The following ACOXL variants were observed in gnomAD, a reference collection of about 807,000 sequenced individuals.
ACOXL encodes acyl-CoA oxidase like.
ACOXL carries 70 observed loss-of-function variants against 71.9 expected under a neutral mutation model. That is an observed-to-expected ratio of 0.97 (90% CI 0.80 to 1.19). ACOXL has a LOEUF of 1.19. Ranked by LOEUF, ACOXL falls within the 50% of genes most tolerant of loss-of-function variation. The probability of loss-of-function intolerance (pLI) is 0.00; values close to 1 mark genes in which losing one functional copy is unlikely to be tolerated. For missense variants in ACOXL, 703 were observed against 736.3 expected (o/e 0.95, Z 0.52); for synonymous variants, 253 against 281.6 (o/e 0.90, Z 1.02).
In ACOXL at chr2:110,809,433, C is replaced by G. The variant is rs373421772; in HGVS notation, c.753+4038C>G. ...AGGCACGTGGGTGCTGGGCGGCAGA[C>G]AACTCAGCCAGTCCTGAGAGCCTGA... On this transcript the variant is annotated intron_variant, in intron 9 of 17. Transcript: ENST00000439055. Among the ~76,000 whole-genome samples the G allele has an allele frequency of 1.6e-3, 247 of 152,330 alleles. 2 individuals are homozygous for G. The highest frequency in any genetic ancestry group is 3.2e-3 in the Non-Finnish European group (216 of 68,028).
rs183879669 is a variant in ACOXL at position 110,979,204 on chromosome 2, A to T, written c.1060-7904A>T. Among the ~76,000 whole-genome samples, 6 of 152,302 alleles carry T rather than the reference A, an allele frequency of 3.9e-5. No individual in the cohort carries two copies. The East Asian group carries it at 5.8e-4, about 15-fold the overall frequency. ...AGTCAGGACACATTTGTCTGCTTGT[A>T]ATAAATACCCATCTAAAGTGGCTGA... On this transcript the variant is annotated intron_variant, in intron 12 of 17. Coordinates refer to ENST00000439055, the MANE Select transcript of ACOXL (RefSeq NM_001142807.4).
intron 9 of ACOXL, among the ~76,000 whole-genome samples, chr2:110,815,996 G>C (rs1225427368): frequency 6.6e-6 from 1 of 152,150 alleles, no homozygotes; most frequent in African/African-American, 2.4e-5. Flanking sequence ...TGGATGAATG[G>C]ATGGAAAAAT....
Position 110,799,178 on chromosome 2 carries a change from C to T in ACOXL, c.547+78C>T, listed in dbSNP as rs376135715. On this transcript the variant is annotated intron_variant, in intron 7 of 17. Coordinates refer to ENST00000439055, the MANE Select transcript of ACOXL (RefSeq NM_001142807.4). The stretch of plus-strand genomic sequence containing the variant: ...CCTGACTCAAGGAGAATCTAACCTA[C>T]GTTATATTACCGAAGCACTGAGGGT... The T allele has an allele frequency of 1.3e-4, 177 of 1,391,890 alleles. No individual in the cohort carries two copies. In the African/African-American group the frequency reaches 1.5e-3, roughly 12 times the overall value. The allele number at this position is 1,391,890 out of a possible 1,614,324, so 86.2% of individuals were successfully genotyped here. A position where few individuals can be genotyped will look rare whatever the true frequency, so the allele number is the denominator to read the frequency against.
At chr2:111,091,964 T>C (rs1261119366) in intron 16 of ACOXL, among the ~76,000 whole-genome samples, 1 of 152,208 alleles carries the variant, frequency 6.6e-6, no homozygotes, top group Admixed American at 6.5e-5. Flanking sequence ...AATTGTCTTC[T>C]AGTGGGAAGA....
intron 14 of ACOXL, among the ~76,000 whole-genome samples, chr2:111,022,933 T>C (rs992319234): frequency 7.9e-5 from 12 of 152,136 alleles, no homozygotes; most frequent in Non-Finnish European, 1.5e-4. Context: ...CTCTGCAAGG[T>C]GGTTACTGGC....
chr2:110,881,114 A>G (rs1696582764), intron 10 of ACOXL, among the ~76,000 whole-genome samples: 1 of 151,748 alleles, frequency 6.6e-6, no homozygotes, highest in African/African-American at 2.4e-5. Context: ...TCCCTACACC[A>G]TTTTATTGAA....
chr2:110,775,954 CA>C (rs1164766283), intron 2 of ACOXL, among the ~76,000 whole-genome samples: 1 of 152,190 alleles, frequency 6.6e-6, no homozygotes, highest in Non-Finnish European at 1.5e-5. Flanking sequence ...GAGCTATTTG[CA>C]TGTCCATGTT....
intron 14 of ACOXL, among the ~76,000 whole-genome samples, chr2:111,018,850 C>T (rs932709660): frequency 1.3e-5 from 2 of 152,106 alleles, no homozygotes; most frequent in Admixed American, 1.3e-4. Flanking sequence ...GTTAGCACTT[C>T]CCTTGCCAGT....
At chr2:111,037,917 AT>A (rs1350666000) in intron 15 of ACOXL, among the ~76,000 whole-genome samples, 3 of 152,190 alleles carry the variant, frequency 2.0e-5, no homozygotes, top group African/African-American at 4.8e-5. Context: ...GCATTTATTT[AT>A]GGTAAAGTTA....
At chr2:110,888,264 T>C (rs1697550154) in intron 10 of ACOXL, among the ~76,000 whole-genome samples, 1 of 152,188 alleles carries the variant, frequency 6.6e-6, no homozygotes, top group Admixed American at 6.5e-5. Context: ...AGGATCAAGT[T>C]CCAACATGAC....
chr2:110,924,523 C>G (rs958818806), intron 11 of ACOXL, among the ~76,000 whole-genome samples: 1 of 152,134 alleles, frequency 6.6e-6, no homozygotes, highest in Non-Finnish European at 1.5e-5. Context: ...AGCATTTTCA[C>G]CAGGAGTAGA....
At chr2:111,003,879 C>T (rs2063757253) in intron 14 of ACOXL, among the ~76,000 whole-genome samples, 1 of 152,094 alleles carries the variant, frequency 6.6e-6, no homozygotes, top group African/African-American at 2.4e-5. Flanking sequence ...TAAGATAAGT[C>T]CACCTCTGGT....
At chr2:111,106,709 C>T in intron 17 of ACOXL, among the ~76,000 whole-genome samples, 1 of 152,174 alleles carries the variant, frequency 6.6e-6, no homozygotes. Context: ...AAAGGGGGTG[C>T]ATCGCCTCAT....
intron 10 of ACOXL, among the ~76,000 whole-genome samples, chr2:110,851,729 C>G (rs1316696883): frequency 1.3e-5 from 2 of 152,224 alleles, no homozygotes; most frequent in East Asian, 3.9e-4. Flanking sequence ...GGGATGACAT[C>G]CCTCCGTGAA....
rs2064287955 is a variant in ACOXL at position 111,013,682 on chromosome 2, A to T, written c.1281+17678A>T. Reference sequence around the variant, plus strand: ...AAAATGAATTTAATTTGTAATGAACACATTCCCACAAAGAAAGCTCCAGGT... The same window carrying T: ...AAAATGAATTTAATTTGTAATGAACTCATTCCCACAAAGAAAGCTCCAGGT... On this transcript the variant is annotated intron_variant, in intron 14 of 17. Transcript: ENST00000439055. Among the ~76,000 whole-genome samples the T allele has an allele frequency of 2.6e-5, 4 of 152,208 alleles. No individual in the cohort carries two copies. In the South Asian group the frequency reaches 8.3e-4, roughly 32 times the overall value.
intron 14 of ACOXL, among the ~76,000 whole-genome samples, chr2:111,010,633 A>C (rs568812919): frequency 6.6e-6 from 1 of 152,296 alleles, no homozygotes; most frequent in East Asian, 1.9e-4. Flanking sequence ...ATATAAAAAT[A>C]AGAGCCCATC....
chr2:111,020,735 T>G (rs1035697242), intron 14 of ACOXL, among the ~76,000 whole-genome samples: 1 of 152,186 alleles, frequency 6.6e-6, no homozygotes, highest in Non-Finnish European at 1.5e-5. Flanking sequence ...TGGGCTCTCA[T>G]GCAGCTGTGC....
intron 14 of ACOXL, among the ~76,000 whole-genome samples, chr2:111,000,975 G>T (rs1373373926): frequency 2.0e-5 from 3 of 152,198 alleles, no homozygotes; most frequent in African/African-American, 7.2e-5. Flanking sequence ...CAGAGCAGAA[G>T]TATAATCCAG....
chr2:110,996,104 T>C, intron 14 of ACOXL, 100 bp downstream of exon 14: 1 of 993,162 alleles, frequency 1.0e-6, no homozygotes, highest in Non-Finnish European at 1.6e-6. Flanking sequence ...TGAGTCAGCC[T>C]AATGACAAGC....
Sources: gnomAD v4.1 joint callset for allele counts (sites outside exome capture counted in the v4.1 genomes callset) on GRCh38, gnomAD v4.1.1 for gene constraint, MANE v1.5 for transcripts, NCBI Gene and HGNC (gene_info 2026-07-23, HGNC 2026-07-21) for gene names.